STEAP2: variants seen among roughly 807,000 people sequenced by gnomAD.
STEAP2 encodes the protein STEAP2 metalloreductase, also known as metalloreductase STEAP2.
In STEAP2, 30 loss-of-function variants were observed where a neutral mutation model predicts 46.4. The ratio of observed to expected loss-of-function variants is 0.65; its 90% CI spans 0.48 to 0.88. The LOEUF (loss-of-function observed/expected upper bound fraction) is 0.88. Ranked by LOEUF, STEAP2 falls within the 40% of genes least tolerant of loss-of-function variation. The pLI, the probability that STEAP2 is intolerant of heterozygous loss-of-function variation, is 0.00. For synonymous variants in STEAP2, 180 were observed against 200.5 expected (o/e 0.90, Z 0.86); for missense variants, 513 against 579.3 (o/e 0.89, Z 1.18).
In STEAP2 at chr7:90,234,774, C is replaced by A; in HGVS notation, c.*2150C>A. 1 of 644,638 alleles carries A rather than the reference C, an allele frequency of 1.6e-6. No homozygotes were observed. Among genetic ancestry groups the A allele is most frequent in the Non-Finnish European group, 1.9e-6 (1 of 519,210 alleles). The allele number at this position is 644,638 out of a possible 1,614,324, so 39.9% of individuals were successfully genotyped here. On this transcript the variant is annotated 3_prime_UTR_variant, in exon 6 of 6. Coordinates refer to ENST00000394621, the MANE Select transcript of STEAP2 (RefSeq NM_001244944.2). ...TTCACCGTGTTAGCCAGGATGGTCTCGATCTCCTGACCTCGTGATCCGCCC... is the reference window on the plus strand; with the variant it reads ...TTCACCGTGTTAGCCAGGATGGTCTAGATCTCCTGACCTCGTGATCCGCCC...
chr7:90,220,312 G>A (rs1795200663), intron 2 of STEAP2, among the ~76,000 whole-genome samples: 1 of 151,932 alleles, frequency 6.6e-6, no homozygotes, highest in South Asian at 2.1e-4. Context: ...AACTTTTTTT[G>A]TTACTGGTCT....
At chr7:90,225,614 T>C in intron 3 of STEAP2, 40 bp downstream of exon 3, 5 of 1,517,780 alleles carry the variant, frequency 3.3e-6, no homozygotes, top group Non-Finnish European at 4.4e-6. Flanking sequence ...ATCTGGTATT[T>C]TGTAGTTAAA....
intron 2 of STEAP2, among the ~76,000 whole-genome samples, chr7:90,219,161 A>G (rs1795149840): frequency 6.6e-6 from 1 of 152,136 alleles, no homozygotes; most frequent in South Asian, 2.1e-4. Flanking sequence ...GAATTTATTT[A>G]TCAGATCTAA....
At position 90,232,388 on chromosome 7, in the gene STEAP2, T is replaced by C; in HGVS notation, c.1237T>C (p.Tyr413His). 1 of 1,613,396 alleles carries C rather than the reference T, an allele frequency of 6.2e-7. No homozygotes were observed. The highest frequency in any genetic ancestry group is 8.5e-7 in the Non-Finnish European group (1 of 1,179,568). Residue 413 changes from tyrosine to histidine, a missense_variant, in exon 6 of 6, where the codon TAT (tyrosine) becomes CAT (histidine). Tyr to His is a moderately conservative substitution (Grantham distance 83, BLOSUM62 2). Transcript: ENST00000394621. ...CATAAGTACTTTCCATGTTTTAATT[T>C]ATGGATGGAAACGAGCTTTTGAGGA... ...LLISTFHVLI[Y>H]GWKRAFEEEY...
chr7:90,242,210 T>C (rs1450169448), downstream of STEAP2, among the ~76,000 whole-genome samples: 3 of 152,288 alleles, frequency 2.0e-5, no homozygotes, highest in South Asian at 4.1e-4. Flanking sequence ...CTTATGGGGC[T>C]TATGCTAATT....
In STEAP2 at chr7:90,234,465, T is replaced by C; in HGVS notation, c.*1841T>C. ...CTACCTTTCCCACCAGTGACTCTTT[T>C]TCTACAACTGCCTTGTCAGTTTGGT... On this transcript the variant is annotated 3_prime_UTR_variant, in exon 6 of 6. Coordinates refer to ENST00000394621, the MANE Select transcript of STEAP2 (RefSeq NM_001244944.2). 1 of 985,270 alleles carries C rather than the reference T, an allele frequency of 1.0e-6. No homozygotes were observed. Among genetic ancestry groups the C allele is most frequent in the Middle Eastern group, 5.2e-4 (1 of 1,914 alleles). The allele number at this position is 985,270 out of a possible 1,614,324, so 61.0% of individuals were successfully genotyped here.
intron 4 of STEAP2, 136 bp from the exon 5 acceptor site, chr7:90,229,736 G>A: frequency 7.4e-7 from 1 of 1,356,410 alleles, no homozygotes; most frequent in Non-Finnish European, 9.7e-7. Context: ...TCTCTGTAAT[G>A]GTTTGTTAGA....
At position 90,234,713 on chromosome 7, in the gene STEAP2, G is replaced by T. The variant is rs1327709217; in HGVS notation, c.*2089G>T. Reference sequence around the variant, plus strand: ...CTACAGGTGCCCGCCACCATGCCCGGCTGATTTCTTTTTGTATTTTTAGTA... The same window carrying T: ...CTACAGGTGCCCGCCACCATGCCCGTCTGATTTCTTTTTGTATTTTTAGTA... On this transcript the variant is annotated 3_prime_UTR_variant, in exon 6 of 6. Coordinates refer to ENST00000394621, the MANE Select transcript of STEAP2 (RefSeq NM_001244944.2). The T allele has an allele frequency of 1.9e-5, 9 of 467,884 alleles. No individual in the cohort carries two copies. The highest frequency in any genetic ancestry group is 2.5e-5 in the Non-Finnish European group (9 of 357,672). 29.0% of individuals were successfully genotyped at this position (467,884 alleles called of 1,614,324 possible). A position where few individuals can be genotyped will look rare whatever the true frequency, so the allele number is the denominator to read the frequency against.
At position 90,233,077 on chromosome 7, in the gene STEAP2, A is replaced by G. The variant is rs1795827529; in HGVS notation, c.*453A>G. The G allele has an allele frequency of 7.1e-6, 7 of 984,094 alleles. No homozygotes were observed. The South Asian group carries it at 2.8e-4, about 40-fold the overall frequency. The allele number at this position is 984,094 out of a possible 1,614,324, so 61.0% of individuals were successfully genotyped here. On this transcript the variant is annotated 3_prime_UTR_variant, in exon 6 of 6. Coordinates refer to ENST00000394621, the MANE Select transcript of STEAP2 (RefSeq NM_001244944.2). ...TGCATTATTATACATTTTTTTAAGA[A>G]AGGACACGTTATGTTAGCATCTAGG...
chr7:90,228,074 T>C (rs558664039), intron 4 of STEAP2, among the ~76,000 whole-genome samples: 5 of 152,230 alleles, frequency 3.3e-5, no homozygotes, highest in African/African-American at 1.2e-4. Flanking sequence ...AGGTGAAGCT[T>C]TTCTAGCACT....
At chr7:90,224,841 A>G (rs991050350) in intron 2 of STEAP2, among the ~76,000 whole-genome samples, 5 of 152,166 alleles carry the variant, frequency 3.3e-5, no homozygotes, top group African/African-American at 7.2e-5. Context: ...TAATTTTCCT[A>G]TTGAGATGCT....
Position 90,236,167 on chromosome 7 carries a change from T to TA in STEAP2, c.*3545dup. The TA allele has an allele frequency of 1.4e-6, 1 of 709,082 alleles. No individual in the cohort carries two copies. The highest frequency in any genetic ancestry group is 6.6e-5 in the South Asian group (1 of 15,038). 43.9% of individuals were successfully genotyped at this position (709,082 alleles called of 1,614,324 possible). A position where few individuals can be genotyped will look rare whatever the true frequency, so the allele number is the denominator to read the frequency against. Reference sequence around the variant, plus strand: ...TACCACTTGCCATTAAGCTATTTCATAATAAATTCTGTACAGTTTCCCCCC... The same window carrying TA: ...TACCACTTGCCATTAAGCTATTTCATAAATAAATTCTGTACAGTTTCCCCCC... On this transcript the variant is annotated 3_prime_UTR_variant, in exon 6 of 6. Coordinates refer to ENST00000394621, the MANE Select transcript of STEAP2 (RefSeq NM_001244944.2).
rs1795921656 is a variant in STEAP2, at chr7:90,235,233, A to G, written c.*2609A>G. ...ACAAACTTGTGAAAATGTATAAAAG[A>G]TGCATCTGTTGTTTCAAATGGCACT... is the stretch of plus-strand genomic sequence containing the variant. On this transcript the variant is annotated 3_prime_UTR_variant, in exon 6 of 6. Transcript: ENST00000394621. 1.0e-6 allele frequency: 1 copy of G among 983,704 alleles called. No individual in the cohort carries two copies. The highest frequency in any genetic ancestry group is 1.7e-5 in the African/African-American group (1 of 57,234). The allele number at this position is 983,704 out of a possible 1,614,324, so 60.9% of individuals were successfully genotyped here.
At chr7:90,217,309 G>T (rs111469113) in intron 2 of STEAP2, among the ~76,000 whole-genome samples, 38 of 152,210 alleles carry the variant, frequency 2.5e-4, no homozygotes, top group African/African-American at 8.9e-4. Flanking sequence ...ACAGTACATT[G>T]TTACTGACTA....
chr7:90,235,103 A>C lies in STEAP2; in HGVS notation c.*2479A>C, dbSNP rs11563931. ...TGTGATGAAATATTCCTAAAAGTTA[A>C]ATGACTATTAAAGCATATATTGTTG... On this transcript the variant is annotated 3_prime_UTR_variant, in exon 6 of 6. Transcript: ENST00000394621. 34,547 of 943,070 alleles carry C rather than the reference A, an allele frequency of 0.037. 686 individuals are homozygous for C. Among genetic ancestry groups the C allele is most frequent in the Middle Eastern group, 0.054 (99 of 1,840 alleles). The allele number at this position is 943,070 out of a possible 1,614,324, so 58.4% of individuals were successfully genotyped here.
downstream of STEAP2, among the ~76,000 whole-genome samples, chr7:90,242,131 G>T (rs1047476946): frequency 6.6e-6 from 1 of 152,094 alleles, no homozygotes; most frequent in Non-Finnish European, 1.5e-5. Flanking sequence ...CCAAGCAAGA[G>T]AACTTACTCC....
intron 2 of STEAP2, among the ~76,000 whole-genome samples, chr7:90,217,672 G>T (rs1795077365): frequency 1.6e-5 from 2 of 128,894 alleles, no homozygotes; most frequent in African/African-American, 6.0e-5. Flanking sequence ...CATGTAGATT[G>T]ATTCCATATC....
rs773418238 is a variant in STEAP2, at chr7:90,232,478, A to T, written c.1327A>T (p.Ile443Phe). ...TGCTCTTGTTTTGCCCTCAATTGTA[A>T]TTCTGGGTAAGATTATTTTATTCCT... ...VLALVLPSIV[I>F]LGKIILFLPC... The change falls in exon 6 of 6, where the codon ATT (isoleucine) becomes TTT (phenylalanine). Residue 443 changes from isoleucine (I) to phenylalanine (F), a missense_variant. Ile to Phe is a conservative substitution (Grantham distance 21). Transcript: ENST00000394621. 19 of 1,613,762 alleles carry T rather than the reference A, an allele frequency of 1.2e-5. No homozygotes were observed. The highest frequency in any genetic ancestry group is 1.6e-5 in the Non-Finnish European group (19 of 1,179,778).
intron 2 of STEAP2, among the ~76,000 whole-genome samples, chr7:90,221,663 C>G (rs562905238): frequency 6.6e-6 from 1 of 152,078 alleles, no homozygotes; most frequent in African/African-American, 2.4e-5. Context: ...ATGTAGACAC[C>G]CGGATACAGG....
Sources: gnomAD v4.1 joint callset for allele counts (sites outside exome capture counted in the v4.1 genomes callset) on GRCh38, gnomAD v4.1.1 for gene constraint, MANE v1.5 for transcripts, NCBI Gene and HGNC (gene_info 2026-07-23, HGNC 2026-07-21) for gene names.